PPM1L: variants seen among roughly 807,000 people sequenced by gnomAD.
PPM1L encodes the protein protein phosphatase, Mg2+/Mn2+ dependent 1L, also known as protein phosphatase 1L.
PPM1L carries 13 observed loss-of-function variants against 31.4 expected under a neutral mutation model. The observed-to-expected ratio is 0.41, with a 90% CI of 0.27 to 0.66. The LOEUF (loss-of-function observed/expected upper bound fraction) is 0.66, where lower values mean the gene tolerates loss of function less well. Among genes scored for constraint, PPM1L ranks in the 30% least tolerant of loss-of-function variants. PPM1L has a pLI of 0.29. For synonymous variants in PPM1L, 184 were observed against 175.4 expected, an observed-to-expected ratio of 1.05 and a Z score of -0.39; for missense variants, 326 against 453.7, an observed-to-expected ratio of 0.72 and a Z score of 2.56.
intron 2 of PPM1L, among the ~76,000 whole-genome samples, chr3:161,050,327 G>A: frequency 6.6e-6 from 1 of 152,042 alleles, no homozygotes; most frequent in Non-Finnish European, 1.5e-5. Flanking sequence ...AAGACCCTCA[G>A]TAGGAAAGGA....
At chr3:161,038,322 A>G (rs969520866) in intron 2 of PPM1L, among the ~76,000 whole-genome samples, 4 of 149,988 alleles carry the variant, frequency 2.7e-5, no homozygotes, top group South Asian at 2.1e-4. Flanking sequence ...TTTTTCTTGT[A>G]TTTTTTAGAG....
chr3:160,767,249 T>C (rs1715127023), intron 1 of PPM1L, among the ~76,000 whole-genome samples: 1 of 151,970 alleles, frequency 6.6e-6, no homozygotes, highest in Admixed American at 6.6e-5. Flanking sequence ...TTTTTTTTTT[T>C]TTGATATAGG....
intron 1 of PPM1L, among the ~76,000 whole-genome samples, chr3:160,831,259 C>T (rs2108097627): frequency 6.6e-6 from 1 of 152,150 alleles, no homozygotes; most frequent in East Asian, 1.9e-4. Flanking sequence ...CTGATCTGAT[C>T]ATTATACATG....
At chr3:160,797,730 A>G (rs1474168527) in intron 1 of PPM1L, among the ~76,000 whole-genome samples, 2 of 152,272 alleles carry the variant, frequency 1.3e-5, no homozygotes, top group African/African-American at 4.8e-5. Flanking sequence ...AACCAGCCAC[A>G]ACGTTCTCTT....
intron 2 of PPM1L, among the ~76,000 whole-genome samples, chr3:160,987,816 A>T (rs1717011773): frequency 6.6e-6 from 1 of 152,244 alleles, no homozygotes; most frequent in Non-Finnish European, 1.5e-5. Flanking sequence ...AATGAACGAT[A>T]TGCTCTGTGT....
chr3:160,841,378 A>AATATGGT (rs1713874860), intron 1 of PPM1L, among the ~76,000 whole-genome samples: 1 of 151,842 alleles, frequency 6.6e-6, no homozygotes, highest in African/African-American at 2.4e-5. Context: ...ATTATAGAGT[A>AATATGGT]ATATGGTTTT....
intron 1 of PPM1L, among the ~76,000 whole-genome samples, chr3:160,838,685 A>G (rs1713786015): frequency 6.6e-6 from 1 of 152,164 alleles, no homozygotes. Context: ...TGACCATTCA[A>G]ATTACTGTTT....
In PPM1L at chr3:160,972,265, T is replaced by C. The variant is rs191331554; in HGVS notation, c.574+10355T>C. On this transcript the variant is annotated intron_variant, in intron 2 of 3. Coordinates refer to ENST00000498165, the MANE Select transcript of PPM1L (RefSeq NM_139245.4). ...GCACAACGTGCAGGTTTGTTACATATGTATACATGTGCCATGTTGGTGTGC... is the reference window on the plus strand; with the variant it reads ...GCACAACGTGCAGGTTTGTTACATACGTATACATGTGCCATGTTGGTGTGC... Among the ~76,000 whole-genome samples, 658 of 152,204 alleles carry C rather than the reference T, an allele frequency of 4.3e-3. 5 individuals carry two copies. Among genetic ancestry groups the C allele is most frequent in the African/African-American group, 0.015 (605 of 41,518 alleles).
chr3:161,011,072 C>T (rs1003034025), intron 2 of PPM1L, among the ~76,000 whole-genome samples: 2 of 152,088 alleles, frequency 1.3e-5, no homozygotes, highest in South Asian at 2.1e-4. Flanking sequence ...TTTGGTGTTT[C>T]AGACGTGAAG....
intron 2 of PPM1L, among the ~76,000 whole-genome samples, chr3:160,985,353 G>T (rs1288296948): frequency 6.6e-6 from 1 of 152,088 alleles, no homozygotes; most frequent in African/African-American, 2.4e-5. Flanking sequence ...ATTTTAAAGG[G>T]TAAGACTAGT....
chr3:160,985,394 A>G (rs144856458), intron 2 of PPM1L, among the ~76,000 whole-genome samples: 222 of 152,336 alleles, frequency 1.5e-3, no homozygotes, highest in African/African-American at 5.2e-3. Context: ...TTCCCTTACT[A>G]AAGTAGATGA....
In PPM1L at chr3:160,909,625, C is replaced by T. The variant is rs544151216; in HGVS notation, c.400-52111C>T. 2.0e-5 allele frequency among the ~76,000 whole-genome samples: 3 copies of T among 151,878 alleles called. No homozygotes were observed. In the South Asian group the frequency reaches 6.2e-4, roughly 32 times the overall value. On this transcript the variant is annotated intron_variant, in intron 1 of 3. Transcript: ENST00000498165. ...GCCCTCTCTTAAGGAGGGAGTTTAG[C>T]GTGAAAAAAGGACCAAACAGAGAAC...
intron 2 of PPM1L, among the ~76,000 whole-genome samples, chr3:161,044,482 T>G (rs1718999662): frequency 6.6e-6 from 1 of 151,924 alleles, no homozygotes; most frequent in African/African-American, 2.4e-5. Flanking sequence ...GGTGCAACTC[T>G]AATCCCAAGC....
chr3:160,777,202 A>G (rs1028827833), intron 1 of PPM1L, among the ~76,000 whole-genome samples: 16 of 152,150 alleles, frequency 1.1e-4, no homozygotes, highest in Admixed American at 3.3e-4. Flanking sequence ...GCACACCTGT[A>G]GTCCCAGCTA....
chr3:160,842,074 G>C, intron 1 of PPM1L: 2 of 514,582 alleles, frequency 3.9e-6, no homozygotes, highest in South Asian at 3.0e-5. Flanking sequence ...GAGAGTTTAT[G>C]ATGAGCCCCA....
At chr3:160,975,901 C>A (rs1213149215) in intron 2 of PPM1L, among the ~76,000 whole-genome samples, 1 of 146,930 alleles carries the variant, frequency 6.8e-6, no homozygotes, top group Admixed American at 6.9e-5. Context: ...CCAGAACTTC[C>A]AACACTATGT....
intron 1 of PPM1L, among the ~76,000 whole-genome samples, chr3:160,829,835 G>C (rs995074057): frequency 6.6e-6 from 1 of 152,100 alleles, no homozygotes; most frequent in African/African-American, 2.4e-5. Flanking sequence ...ATATTTTCCA[G>C]GTCATTAAAG....
chr3:161,049,201 TGAG>T (rs1157776376), intron 2 of PPM1L, among the ~76,000 whole-genome samples: 1 of 150,738 alleles, frequency 6.6e-6, no homozygotes. Context: ...TCACTTGAGG[TGAG>T]GAGATCGAGG....
At chr3:160,940,719 A>G (rs992995110) in intron 1 of PPM1L, among the ~76,000 whole-genome samples, 4 of 152,374 alleles carry the variant, frequency 2.6e-5, no homozygotes, top group Admixed American at 6.5e-5. Context: ...AGTTTGCTGC[A>G]GGCGTGGGGC....
Sources: gnomAD v4.1 joint callset for allele counts (sites outside exome capture counted in the v4.1 genomes callset) on GRCh38, gnomAD v4.1.1 for gene constraint, MANE v1.5 for transcripts, NCBI Gene and HGNC (gene_info 2026-07-23, HGNC 2026-07-21) for gene names.